The following RGS4 variants were observed in gnomAD, a reference collection of about 807,000 sequenced individuals.
RGS4 encodes the protein schizophrenia disorder 9.
In RGS4, 15 loss-of-function variants were observed where a neutral mutation model predicts 21.6. The observed-to-expected ratio is 0.69, with a 90% CI of 0.46 to 1.07. RGS4 has a LOEUF of 1.07. Ranked by LOEUF, RGS4 falls within the 50% of genes least tolerant of loss-of-function variation. RGS4 has a pLI of 0.00. For missense variants in RGS4, 237 were observed against 239.0 expected (o/e 0.99, Z 0.06); for synonymous variants, 94 against 85.5 (o/e 1.10, Z -0.55).
rs780171728 is a variant in RGS4, at chr1:163,074,594, G to C, written c.*34G>C. The C allele has an allele frequency of 2.9e-5, 47 of 1,613,686 alleles. No individual in the cohort carries two copies. The highest frequency in any genetic ancestry group is 4.0e-5 in the African/African-American group (3 of 74,884). ...TGAAGGCAGAGGGATGAAATGCCAA[G>C]ACTCTATGCTCTGGAAAACCTGAGG... On this transcript the variant is annotated 3_prime_UTR_variant, in exon 5 of 5. Coordinates refer to ENST00000367909, the MANE Select transcript of RGS4 (RefSeq NM_005613.6).
At chr1:163,073,672 G>C (rs756866312) in intron 4 of RGS4, 50 bp downstream of exon 4, 1 of 1,281,924 alleles carries the variant, frequency 7.8e-7, no homozygotes, top group Admixed American at 2.4e-5. Context: ...TGGAGTATGT[G>C]TGATATTTTG....
chr1:163,072,133 A>G (rs1655338301), intron 1 of RGS4: 18 of 1,156,114 alleles, frequency 1.6e-5, no homozygotes, highest in Non-Finnish European at 1.9e-5. Flanking sequence ...AAGGCTTCTC[A>G]GGTTTCTGAG....
At chr1:163,073,104 G>A (rs1000433031) in intron 3 of RGS4, among the ~76,000 whole-genome samples, 5 of 152,012 alleles carry the variant, frequency 3.3e-5, no homozygotes, top group African/African-American at 1.2e-4. Context: ...AAGGAAAAAC[G>A]GAAGAGAGAA....
At position 163,076,687 on chromosome 1, in the gene RGS4, T is replaced by C. The variant is rs1571165976; in HGVS notation, c.*2127T>C. ...TGCTCATGCTCCCTGGACAGAATACTCCTTCCTTTTGCATGCCTGTTTCTA... is the reference window on the plus strand; with the variant it reads ...TGCTCATGCTCCCTGGACAGAATACCCCTTCCTTTTGCATGCCTGTTTCTA... On this transcript the variant is annotated 3_prime_UTR_variant, in exon 5 of 5. Transcript: ENST00000367909. 1 of 152,310 alleles carries C rather than the reference T, an allele frequency of 6.6e-6. No homozygotes were observed. Among genetic ancestry groups the C allele is most frequent in the South Asian group, 2.1e-4 (1 of 4,820 alleles). The allele number at this position is 152,310 out of a possible 1,614,324, so 9.4% of individuals were successfully genotyped here.
intron 1 of RGS4, among the ~76,000 whole-genome samples, chr1:163,071,746 G>A (rs960543988): frequency 4.0e-5 from 6 of 150,106 alleles, no homozygotes; most frequent in East Asian, 4.0e-4. Context: ...CCAAGAAGCT[G>A]AGGTTTCAGC....
intron 3 of RGS4, 91 bp downstream of exon 3, chr1:163,072,957 C>T: frequency 9.1e-7 from 1 of 1,093,016 alleles, no homozygotes; most frequent in East Asian, 2.4e-5. Context: ...GGCCTGGCTT[C>T]TTTCTGATGT....
Position 163,072,818 on chromosome 1 carries a change from G to C in RGS4, c.163G>C (p.Glu55Gln). 1 of 1,612,974 alleles carries C rather than the reference G, an allele frequency of 6.2e-7. No homozygotes were observed. Among genetic ancestry groups the C allele is most frequent in the Non-Finnish European group, 8.5e-7 (1 of 1,179,338 alleles). The change falls in exon 3 of 5, where the codon GAA becomes CAA. Residue 55 changes from glutamate to glutamine, a missense_variant. Glu to Gln is a conservative substitution (Grantham distance 29). Coordinates refer to ENST00000367909, the MANE Select transcript of RGS4 (RefSeq NM_005613.6). ...TATTTTTTCTAGAGTGAGCCAAGAG[G>C]AAGTCAAGAAATGGGCTGAATCACT... ...VVICQRVSQE[E>Q]VKKWAESLEN...
At position 163,074,407 on chromosome 1, in the gene RGS4, G is replaced by C; in HGVS notation, c.465G>C (p.Lys155Asn). 6.2e-7 allele frequency: 1 copy of C among 1,613,922 alleles called. No individual in the cohort carries two copies. The highest frequency in any genetic ancestry group is 8.5e-7 in the Non-Finnish European group (1 of 1,179,844). Reference protein sequence around the residue: ...TITCFDEAQKKIFNLMEKDSY... With the variant: ...TITCFDEAQKNIFNLMEKDSY... ...CCTGCTTTGATGAGGCCCAGAAGAA[G>C]ATTTTCAACCTGATGGAGAAGGATT... is the stretch of plus-strand genomic sequence containing the variant. Residue 155 changes from lysine (K) to asparagine (N), a missense_variant, in exon 5 of 5, where the codon AAG becomes AAC. Physicochemically the swap from Lys to Asn is moderately conservative, Grantham distance 94. Coordinates refer to ENST00000367909, the MANE Select transcript of RGS4 (RefSeq NM_005613.6).
rs1655227097 is a variant in RGS4 at position 163,069,396 on chromosome 1, G to C, written c.-89G>C. 1 of 1,598,090 alleles carries C rather than the reference G, an allele frequency of 6.3e-7. No individual in the cohort carries two copies. The highest frequency in any genetic ancestry group is 8.5e-7 in the Non-Finnish European group (1 of 1,171,320). Reference sequence around the variant, plus strand: ...GAGGATTCTGACAATATCTTTACCGGAGAAGAGGCAAAGTACGCTCAAAGC... The same window carrying C: ...GAGGATTCTGACAATATCTTTACCGCAGAAGAGGCAAAGTACGCTCAAAGC... On this transcript the variant is annotated 5_prime_UTR_variant, in exon 1 of 5. Coordinates refer to ENST00000367909, the MANE Select transcript of RGS4 (RefSeq NM_005613.6).
upstream of RGS4, chr1:163,069,316 C>T (rs1399365088): frequency 1.3e-6 from 2 of 1,551,350 alleles, no homozygotes; most frequent in Non-Finnish European, 1.7e-6. Flanking sequence ...ATTGGCTGGA[C>T]GGTCGTAGCT....
At position 163,073,604 on chromosome 1, in the gene RGS4, A is replaced by G. The variant is rs1203709481; in HGVS notation, c.360A>G (p.Ser120=). ...KAKKIYNEFI[S]VQATKEVNLD... ...AAAAGATCTATAATGAATTCATCTCAGTCCAGGCAACCAAAGAGGTAGGTT... is the reference window on the plus strand; with the variant it reads ...AAAAGATCTATAATGAATTCATCTCGGTCCAGGCAACCAAAGAGGTAGGTT... The change falls in exon 4 of 5, where the codon TCA becomes TCG. Residue 120 remains serine, a synonymous_variant. Coordinates refer to ENST00000367909, the MANE Select transcript of RGS4 (RefSeq NM_005613.6). The G allele has an allele frequency of 8.1e-6, 13 of 1,595,624 alleles. No individual in the cohort carries two copies. The highest frequency in any genetic ancestry group is 1.1e-5 in the Non-Finnish European group (13 of 1,175,334).
rs1396716560 is a variant in RGS4, at chr1:163,069,403, G to A, written c.-82G>A. ...CTGACAATATCTTTACCGGAGAAGA[G>A]GCAAAGTACGCTCAAAGCCGAAGCC... On this transcript the variant is annotated 5_prime_UTR_variant, in exon 1 of 5. Coordinates refer to ENST00000367909, the MANE Select transcript of RGS4 (RefSeq NM_005613.6). 6.2e-7 allele frequency: 1 copy of A among 1,603,024 alleles called. No homozygotes were observed.
chr1:163,072,199 C>A, intron 1 of RGS4, 196 bp from the exon 2 acceptor site: 1 of 1,015,546 alleles, frequency 9.8e-7, no homozygotes, highest in Non-Finnish European at 1.3e-6. Context: ...GTTATGACTG[C>A]CTCAAGGTTT....
chr1:163,069,065 A>G, upstream of RGS4: 2 of 1,539,106 alleles, frequency 1.3e-6, no homozygotes, highest in East Asian at 2.4e-5. Context: ...TTTTACAGGC[A>G]TATGAATAAA....
At position 163,072,493 on chromosome 1, in the gene RGS4, G is replaced by C; in HGVS notation, c.143G>C (p.Cys48Ser). Reference protein sequence around the residue: ...SHNKKDKVVICQRVSQEEVKK... With the variant: ...SHNKKDKVVISQRVSQEEVKK... ...AACAAGAAGGACAAAGTGGTTATTT[G>C]CCAGAGGTAAGAGAAAAGGCCTTGG... The change falls in exon 2 of 5, where the codon TGC becomes TCC. Residue 48 changes from cysteine (C) to serine (S), a missense_variant. By Grantham distance (112) the Cys-to-Ser change is moderately radical. Transcript: ENST00000367909. 1 of 1,607,196 alleles carries C rather than the reference G, an allele frequency of 6.2e-7. No homozygotes were observed. The highest frequency in any genetic ancestry group is 2.2e-5 in the East Asian group (1 of 44,690).
At position 163,069,490 on chromosome 1, in the gene RGS4, C is replaced by T. The variant is rs1448786944; in HGVS notation, c.6C>T (p.Cys2=). 16 of 1,613,438 alleles carry T rather than the reference C, an allele frequency of 9.9e-6. No homozygotes were observed. The highest frequency in any genetic ancestry group is 1.3e-5 in the African/African-American group (1 of 74,864). Residue 2 remains cysteine, a synonymous_variant, in exon 1 of 5, where the codon TGC becomes TGT. Transcript: ENST00000367909. ...ATTCCAAGCTGTTAAATAAGATGTG[C>T]AAAGGGCTTGCAGGTCTGCCGGCTT... is the stretch of plus-strand genomic sequence containing the variant. M[C]KGLAGLPASC...
Position 163,074,601 on chromosome 1 carries a change from T to C in RGS4, c.*41T>C, listed in dbSNP as rs1307524416. The C allele has an allele frequency of 6.2e-7, 1 of 1,613,682 alleles. No individual in the cohort carries two copies. The highest frequency in any genetic ancestry group is 1.3e-5 in the African/African-American group (1 of 74,900). On this transcript the variant is annotated 3_prime_UTR_variant, in exon 5 of 5. Coordinates refer to ENST00000367909, the MANE Select transcript of RGS4 (RefSeq NM_005613.6). ...AGAGGGATGAAATGCCAAGACTCTA[T>C]GCTCTGGAAAACCTGAGGCCAAATA...
upstream of RGS4, chr1:163,069,186 G>A: frequency 6.6e-7 from 1 of 1,507,736 alleles, no homozygotes; most frequent in South Asian, 1.3e-5. Flanking sequence ...CTTTTCAGAA[G>A]GATTTTCTCT....
intron 4 of RGS4, chr1:163,074,027 ATC>A (rs1449723213): frequency 3.5e-5 from 15 of 426,378 alleles, no homozygotes; most frequent in African/African-American, 6.0e-5. Context: ...TTTTTAAAAA[ATC>A]TCTTTTATCC....
Sources: gnomAD v4.1 joint callset for allele counts (sites outside exome capture counted in the v4.1 genomes callset) on GRCh38, gnomAD v4.1.1 for gene constraint, MANE v1.5 for transcripts, NCBI Gene and HGNC (gene_info 2026-07-23, HGNC 2026-07-21) for gene names.